Variants in NEO1 observed in about 807,000 individuals in gnomAD.
NEO1 encodes neogenin.
A neutral mutation model predicts 159.7 loss-of-function variants in NEO1; 63 were observed. The observed-to-expected ratio is 0.39, with a 90% CI of 0.32 to 0.49. The LOEUF is 0.49. Among genes scored for constraint, NEO1 ranks in the 20% least tolerant of loss-of-function variants. NEO1 has a pLI of 0.85. For synonymous variants in NEO1, 633 were observed against 662.0 expected, an observed-to-expected ratio of 0.96 and a Z score of 0.67; for missense variants, 1,615 against 1,831.0, an observed-to-expected ratio of 0.88 and a Z score of 2.15.
chr15:73,108,517 T>C (rs1051377693), intron 1 of NEO1, among the ~76,000 whole-genome samples: 8 of 152,118 alleles, frequency 5.3e-5, no homozygotes, highest in Non-Finnish European at 1.0e-4. Flanking sequence ...CAGGCACCTT[T>C]CCTACCTATA....
At chr15:73,190,184 T>G (rs1230464222) in intron 7 of NEO1, among the ~76,000 whole-genome samples, 1 of 152,144 alleles carries the variant, frequency 6.6e-6, no homozygotes, top group Non-Finnish European at 1.5e-5. Flanking sequence ...GTAAAATGTC[T>G]GTATCTTTTG....
At chr15:73,238,192 C>T (rs2039291088) in intron 8 of NEO1, among the ~76,000 whole-genome samples, 1 of 151,668 alleles carries the variant, frequency 6.6e-6, no homozygotes, top group South Asian at 2.1e-4. Context: ...AAACATTCAC[C>T]AGAACACCAC....
At chr15:73,121,052 C>T (rs2071618303) in intron 2 of NEO1, among the ~76,000 whole-genome samples, 1 of 133,792 alleles carries the variant, frequency 7.5e-6, no homozygotes, top group African/African-American at 2.5e-5. Flanking sequence ...CACCTAAATA[C>T]CTACGTGTAT....
chr15:73,270,962 GTT>G (rs1353613384), intron 18 of NEO1, among the ~76,000 whole-genome samples: 1 of 152,236 alleles, frequency 6.6e-6, no homozygotes, highest in Non-Finnish European at 1.5e-5. Flanking sequence ...TTGAGATTCT[GTT>G]TGGTTTTTGC....
intron 5 of NEO1, among the ~76,000 whole-genome samples, chr15:73,143,077 G>A (rs2032556720): frequency 6.6e-6 from 1 of 152,324 alleles, no homozygotes; most frequent in East Asian, 1.9e-4. Context: ...AAAGCTGAGT[G>A]ACAGAACGCA....
intron 12 of NEO1, among the ~76,000 whole-genome samples, chr15:73,254,166 G>A (rs933405210): frequency 6.6e-6 from 1 of 151,968 alleles, no homozygotes; most frequent in Non-Finnish European, 1.5e-5. Flanking sequence ...CTATAGCCTG[G>A]GTGACAGAGT....
At chr15:73,284,193 T>G (rs2041848397) in intron 23 of NEO1, among the ~76,000 whole-genome samples, 1 of 152,208 alleles carries the variant, frequency 6.6e-6, no homozygotes, top group African/African-American at 2.4e-5. Context: ...GAGTTATTCC[T>G]AATAGCAGTA....
chr15:73,265,860 A>G (rs1306554703), intron 15 of NEO1, among the ~76,000 whole-genome samples: 1 of 152,194 alleles, frequency 6.6e-6, no homozygotes, highest in Admixed American at 6.5e-5. Context: ...CCACTTGGAG[A>G]GTCAAGGACA....
intron 15 of NEO1, among the ~76,000 whole-genome samples, chr15:73,265,066 G>T (rs1486279379): frequency 6.6e-6 from 1 of 152,168 alleles, no homozygotes; most frequent in African/African-American, 2.4e-5. Flanking sequence ...CCCCAGCATA[G>T]GGAGCAGCTG....
At chr15:73,113,774 A>G (rs1268997093) in intron 1 of NEO1, among the ~76,000 whole-genome samples, 1 of 152,152 alleles carries the variant, frequency 6.6e-6, no homozygotes, top group East Asian at 1.9e-4. Context: ...AACATCCCAT[A>G]GTAACTAATT....
intron 5 of NEO1, among the ~76,000 whole-genome samples, chr15:73,171,454 C>T (rs988580124): frequency 2.0e-5 from 3 of 151,812 alleles, no homozygotes; most frequent in African/African-American, 4.8e-5. Context: ...GTCTCAGCTA[C>T]TTGAGCGGCT....
chr15:73,175,986 G>A (rs1470214231), intron 5 of NEO1, among the ~76,000 whole-genome samples: 4 of 151,992 alleles, frequency 2.6e-5, no homozygotes, highest in African/African-American at 4.8e-5. Context: ...TGTTGTTGTT[G>A]TTCTTACTTA....
chr15:73,241,200 T>C (rs112045282), intron 8 of NEO1, among the ~76,000 whole-genome samples: 33 of 152,194 alleles, frequency 2.2e-4, no homozygotes, highest in Admixed American at 3.9e-4. Flanking sequence ...AAAGCAGTAC[T>C]TTTCTATATT....
chr15:73,295,055 G>A (rs1427335477), intron 26 of NEO1, among the ~76,000 whole-genome samples: 1 of 149,444 alleles, frequency 6.7e-6, no homozygotes, highest in African/African-American at 2.4e-5. Flanking sequence ...GAGGCAGGAG[G>A]ATCGCTTGAG....
chr15:73,139,424 G>A (rs2151767158), intron 5 of NEO1, among the ~76,000 whole-genome samples: 1 of 152,142 alleles, frequency 6.6e-6, no homozygotes, highest in Admixed American at 6.5e-5. Flanking sequence ...GCAAACCAAT[G>A]AAAACAGAAG....
At chr15:73,067,040 T>C (rs936503637) in intron 1 of NEO1, among the ~76,000 whole-genome samples, 2 of 152,240 alleles carry the variant, frequency 1.3e-5, no homozygotes, top group Admixed American at 6.5e-5. Flanking sequence ...TCCTGAAAGC[T>C]GAATTCTCTC....
intron 7 of NEO1, among the ~76,000 whole-genome samples, chr15:73,192,152 T>G (rs977180853): frequency 6.6e-6 from 1 of 152,042 alleles, no homozygotes; most frequent in Non-Finnish European, 1.5e-5. Context: ...GAGTGGAAGT[T>G]ATTTTAAATA....
intron 15 of NEO1, among the ~76,000 whole-genome samples, chr15:73,264,603 A>G (rs10518997): frequency 0.16 from 25,087 of 152,194 alleles, 2,493 homozygotes; most frequent in Non-Finnish European, 0.23. Context: ...ATTGACCTAG[A>G]TAGATCTAAG....
chr15:73,131,062 C>G (rs543259611), intron 4 of NEO1, among the ~76,000 whole-genome samples: 47 of 152,222 alleles, frequency 3.1e-4, no homozygotes, highest in Admixed American at 1.4e-3. Flanking sequence ...AGCACCCCCC[C>G]ACACACACCC....
Sources: gnomAD v4.1 joint callset for allele counts (sites outside exome capture counted in the v4.1 genomes callset) on GRCh38, gnomAD v4.1.1 for gene constraint, MANE v1.5 for transcripts, NCBI Gene and HGNC (gene_info 2026-07-23, HGNC 2026-07-21) for gene names.